Variants in SCARA3 observed in about 807,000 individuals in gnomAD.
The protein encoded by SCARA3 is cellular stress response gene protein.
In SCARA3, 39 loss-of-function variants were observed where a neutral mutation model predicts 47.0. The ratio of observed to expected loss-of-function variants is 0.83; its 90% CI spans 0.64 to 1.08. The LOEUF is 1.08. Among genes scored for constraint, SCARA3 ranks in the 50% least tolerant of loss-of-function variants. The probability of loss-of-function intolerance (pLI) is 0.00; values close to 1 mark genes in which losing one functional copy is unlikely to be tolerated. For missense variants in SCARA3, 724 were observed against 792.3 expected (o/e 0.91, Z 1.04); for synonymous variants, 356 against 334.1 (o/e 1.07, Z -0.71).
rs201498389 is a variant in SCARA3 at position 27,656,880 on chromosome 8, G to A, written c.325G>A (p.Asp109Asn). 18 of 1,584,518 alleles carry A rather than the reference G, an allele frequency of 1.1e-5. No homozygotes were observed. Among genetic ancestry groups the A allele is most frequent in the Non-Finnish European group, 1.6e-5 (18 of 1,153,028 alleles). ...AATGCAGAAAAATCTCCAGGGCCTGGGTAAGTAGATGGGCTGATGACTGTG... is the reference window on the plus strand; with the variant it reads ...AATGCAGAAAAATCTCCAGGGCCTGAGTAAGTAGATGGGCTGATGACTGTG... ...VLMQKNLQGL[D>N]PKALNNCSFC... The change falls in exon 4 of 6, where the codon GAT becomes AAT. Residue 109 changes from aspartate (D) to asparagine (N), a missense_variant and splice_region_variant. Coordinates refer to ENST00000301904, the MANE Select transcript of SCARA3 (RefSeq NM_016240.3).
Position 27,656,811 on chromosome 8 carries a change from G to A in SCARA3, c.256G>A (p.Asp86Asn), listed in dbSNP as rs1316428598. The change falls in exon 4 of 6, where the codon GAC becomes AAC. Residue 86 changes from aspartate to asparagine, a missense_variant. Physicochemically the swap from Asp to Asn is conservative, Grantham distance 23. Transcript: ENST00000301904. ...VFRKVDSLSE[D>N]ISLTQSIYDK... is the part of the protein sequence containing the mutation. ...CAGAAAAGTGGACTCTCTCTCCGAAGACATCTCCTTGACCCAGTCTATTTA... is the reference window on the plus strand; with the variant it reads ...CAGAAAAGTGGACTCTCTCTCCGAAAACATCTCCTTGACCCAGTCTATTTA... The A allele has an allele frequency of 1.9e-6, 3 of 1,612,922 alleles. No homozygotes were observed. The highest frequency in any genetic ancestry group is 2.5e-6 in the Non-Finnish European group (3 of 1,178,892).
Position 27,671,986 on chromosome 8 carries a change from G to T in SCARA3, c.*635G>T, listed in dbSNP as rs1209604262. 2.8e-5 allele frequency: 28 copies of T among 985,194 alleles called. No individual in the cohort carries two copies. The highest frequency in any genetic ancestry group is 3.4e-5 in the Non-Finnish European group (28 of 829,916). 61.0% of individuals were successfully genotyped at this position (985,194 alleles called of 1,614,324 possible). ...CATCTGTCTCTGGGCACCCATGCTG[G>T]CCAGCAGTTTCCCAGGGCTCCCTGG... On this transcript the variant is annotated 3_prime_UTR_variant, in exon 6 of 6. Coordinates refer to ENST00000301904, the MANE Select transcript of SCARA3 (RefSeq NM_016240.3).
In SCARA3 at chr8:27,671,203, C is replaced by A. The variant is rs777834810; in HGVS notation, c.1673C>A (p.Ser558Ter). ...GGGCCCCCGGGGTCTCCAGGGCCCT[C>A]AGGGCCTCAGGGAAAACCGGGAATT... Reference protein sequence around the residue: ...PEGPPGSPGPSGPQGKPGIAG... With the variant: ...PEGPPGSPGP The change falls in exon 6 of 6, where the codon TCA (serine) becomes TAA (stop). Residue 558 changes from serine to a stop codon, truncating the protein, a stop_gained. Transcript: ENST00000301904. LOFTEE classifies it high-confidence loss of function. 1.1e-5 allele frequency: 17 copies of A among 1,509,496 alleles called. No homozygotes were observed. Among genetic ancestry groups the A allele is most frequent in the South Asian group, 1.0e-4 (8 of 77,766 alleles). 93.5% of individuals were successfully genotyped at this position (1,509,496 alleles called of 1,614,324 possible).
downstream of SCARA3, among the ~76,000 whole-genome samples, chr8:27,676,105 G>A (rs779857091): frequency 6.6e-6 from 1 of 152,176 alleles, no homozygotes; most frequent in Non-Finnish European, 1.5e-5. Flanking sequence ...CTCGCTCAAG[G>A]CCACATAGAT....
the SCARA3 span, among the ~76,000 whole-genome samples, chr8:27,719,804 A>G: frequency 6.6e-6 from 1 of 152,188 alleles, no homozygotes; most frequent in African/African-American, 2.4e-5. Flanking sequence ...AACTGTCTTT[A>G]AAGACCCAAT....
At chr8:27,713,607 G>A in the SCARA3 span, among the ~76,000 whole-genome samples, 35 of 152,124 alleles carry the variant, frequency 2.3e-4, no homozygotes, top group Non-Finnish European at 3.7e-4. Context: ...GATTATCTCA[G>A]ATGTGGTCAT....
chr8:27,712,131 C>G, the SCARA3 span, among the ~76,000 whole-genome samples: 1 of 152,218 alleles, frequency 6.6e-6, no homozygotes, highest in Non-Finnish European at 1.5e-5. Flanking sequence ...TCAGCCCTCC[C>G]TCCATCCTAA....
At chr8:27,649,872 G>T in intron 2 of SCARA3, 72 bp downstream of exon 2, 1 of 1,334,832 alleles carries the variant, frequency 7.5e-7, no homozygotes, top group South Asian at 1.4e-5. Flanking sequence ...CCAGGCCAGT[G>T]AGAGATTTGT....
chr8:27,718,605 T>G, the SCARA3 span, among the ~76,000 whole-genome samples: 2 of 152,166 alleles, frequency 1.3e-5, no homozygotes, highest in Non-Finnish European at 2.9e-5. Flanking sequence ...AAGTATTTAT[T>G]GGGAAAACTA....
chr8:27,700,645 G>T, the SCARA3 span, among the ~76,000 whole-genome samples: 1 of 151,404 alleles, frequency 6.6e-6, no homozygotes. Flanking sequence ...GACATGAACA[G>T]ACATTTTGCA....
the SCARA3 span, among the ~76,000 whole-genome samples, chr8:27,697,977 C>A: frequency 1.3e-5 from 2 of 152,142 alleles, no homozygotes; most frequent in Non-Finnish European, 2.9e-5. Context: ...TTCAATCCCA[C>A]GTCACCTCTG....
At chr8:27,705,065 C>A in the SCARA3 span, among the ~76,000 whole-genome samples, 19 of 152,182 alleles carry the variant, frequency 1.2e-4, no homozygotes, top group Non-Finnish European at 2.9e-5. Context: ...ATTAAGGGAG[C>A]AATCAGCGAG....
At chr8:27,712,294 T>A in the SCARA3 span, among the ~76,000 whole-genome samples, 8 of 152,190 alleles carry the variant, frequency 5.3e-5, no homozygotes, top group East Asian at 1.5e-3. Context: ...CCGGGCGCGG[T>A]GGCTCATGCC....
chr8:27,692,970 A>G, the SCARA3 span, among the ~76,000 whole-genome samples: 1 of 152,116 alleles, frequency 6.6e-6, no homozygotes, highest in East Asian at 1.9e-4. Flanking sequence ...ACAAAAAAAT[A>G]CAAAAATTAG....
downstream of SCARA3, among the ~76,000 whole-genome samples, chr8:27,681,377 T>A (rs769523754): frequency 6.6e-6 from 1 of 152,184 alleles, no homozygotes; most frequent in Non-Finnish European, 1.5e-5. Context: ...ACTTACATGA[T>A]CAGCAAAGAA....
chr8:27,641,961 A>G (rs934940403), intron 1 of SCARA3, among the ~76,000 whole-genome samples: 1 of 152,248 alleles, frequency 6.6e-6, no homozygotes, highest in Non-Finnish European at 1.5e-5. Flanking sequence ...CAGAATTAAA[A>G]GATACATTTA....
intron 3 of SCARA3, among the ~76,000 whole-genome samples, chr8:27,656,053 T>C (rs1309870015): frequency 6.6e-6 from 1 of 152,210 alleles, no homozygotes; most frequent in African/African-American, 2.4e-5. Flanking sequence ...AGCCCAATAC[T>C]AAGTCACAAT....
rs1802154044 is a variant in SCARA3, at chr8:27,671,438, G to A, written c.*87G>A. On this transcript the variant is annotated 3_prime_UTR_variant, in exon 6 of 6. Coordinates refer to ENST00000301904, the MANE Select transcript of SCARA3 (RefSeq NM_016240.3). The stretch of plus-strand genomic sequence containing the variant: ...CCCCAGAAAGCCTCACCTACAGACA[G>A]CTGTGGTCCTCTGATTCCAATGAGG... 1 of 1,329,292 alleles carries A rather than the reference G, an allele frequency of 7.5e-7. No individual in the cohort carries two copies. The highest frequency in any genetic ancestry group is 1.5e-5 in the African/African-American group (1 of 65,434). 82.3% of individuals were successfully genotyped at this position (1,329,292 alleles called of 1,614,324 possible). A position where few individuals can be genotyped will look rare whatever the true frequency, so the allele number is the denominator to read the frequency against.
rs530433653 is a variant in SCARA3, at chr8:27,671,049, G to A, written c.1519G>A (p.Val507Met). The change falls in exon 6 of 6, where the codon GTG (valine) becomes ATG (methionine). Residue 507 changes from valine (V) to methionine (M), a missense_variant. Transcript: ENST00000301904. The part of the protein sequence containing the change: ...PQGQPGEAGP[V>M]GERGPVGPRG... ...GGGGCAACCTGGAGAGGCCGGGCCTGTGGGAGAAAGGGGCCCTGTTGGCCC... is the reference window on the plus strand; with the variant it reads ...GGGGCAACCTGGAGAGGCCGGGCCTATGGGAGAAAGGGGCCCTGTTGGCCC... 3.1e-5 allele frequency: 50 copies of A among 1,612,600 alleles called. 1 individual carries two copies. The South Asian group carries it at 4.5e-4, about 15-fold the overall frequency.
Sources: allele counts gnomAD v4.1 joint callset (sites outside exome capture counted in the v4.1 genomes callset), GRCh38; gene constraint gnomAD v4.1.1; transcripts MANE v1.5; gene names NCBI Gene and HGNC (gene_info 2026-07-23, HGNC 2026-07-21).